Variants in GSK3A observed in about 807,000 individuals in gnomAD.
The protein encoded by GSK3A is glycogen synthase kinase 3 alpha.
A neutral mutation model predicts 56.6 loss-of-function variants in GSK3A; 14 were observed. The observed-to-expected ratio is 0.25, with a 90% CI of 0.16 to 0.39. The LOEUF (loss-of-function observed/expected upper bound fraction) is 0.39, where lower values mean the gene tolerates loss of function less well. Ranked by LOEUF, GSK3A falls within the 10% of genes least tolerant of loss-of-function variation. The probability of loss-of-function intolerance (pLI) is 1.00; values close to 1 mark genes in which losing one functional copy is unlikely to be tolerated. For missense variants in GSK3A, 450 were observed against 656.0 expected (o/e 0.69, Z 3.43); for synonymous variants, 301 against 285.0 (o/e 1.06, Z -0.56).
chr19:42,233,024 T>C (rs1366039494), intron 8 of GSK3A, 86 bp downstream of exon 8: 14 of 832,856 alleles, frequency 1.7e-5, no homozygotes, highest in Non-Finnish European at 2.7e-5. Flanking sequence ...CAAGCCGTGA[T>C]TCTGAGGCTA....
In GSK3A at chr19:42,234,585, G is replaced by C. The variant is rs1157501093; in HGVS notation, c.760C>G (p.Pro254Ala). ...CAGAGCTTGAGGACAGCAGTGTCAG[G>C]GTCCACCAGCAGGTTCTGGGGCTTG... ...DIKPQNLLVD[P>A]DTAVLKLCDF... The change falls in exon 5 of 11, where the codon CCT becomes GCT. Residue 254 changes from proline to alanine, a missense_variant. This residue lies in a region of GSK3A where 144 missense variants were observed against 308.0 expected (regional missense o/e 0.47). Transcript: ENST00000222330. The surrounding 1 kb of genome is among the most constrained non-coding windows in gnomAD (Gnocchi z 5.7). 1 of 1,614,026 alleles carries C rather than the reference G, an allele frequency of 6.2e-7. No homozygotes were observed. Among genetic ancestry groups the C allele is most frequent in the Non-Finnish European group, 8.5e-7 (1 of 1,179,956 alleles).
At chr19:42,239,717 T>C (rs1287361566) in intron 2 of GSK3A, among the ~76,000 whole-genome samples, 2 of 152,210 alleles carry the variant, frequency 1.3e-5, no homozygotes, top group African/African-American at 4.8e-5. Context: ...CAGAGAATCT[T>C]TATGTAAATT....
rs1224392952 is a variant in GSK3A, at chr19:42,237,008, C to G, written c.472-67G>C. The G allele has an allele frequency of 3.7e-6, 4 of 1,073,650 alleles. No individual in the cohort carries two copies. The East Asian group carries it at 9.4e-5, about 25-fold the overall frequency. 66.5% of individuals were successfully genotyped at this position (1,073,650 alleles called of 1,614,324 possible). A position where few individuals can be genotyped will look rare whatever the true frequency, so the allele number is the denominator to read the frequency against. ...TCGGCTGCTCCTCCCTACTCACACTCACTCCCAACAACAGCCAGGCAGCTA... is the reference window on the plus strand; with the variant it reads ...TCGGCTGCTCCTCCCTACTCACACTGACTCCCAACAACAGCCAGGCAGCTA... On this transcript the variant is annotated intron_variant, in intron 2 of 10. Coordinates refer to ENST00000222330, the MANE Select transcript of GSK3A (RefSeq NM_019884.3).
chr19:42,234,991 G>C lies in GSK3A; in HGVS notation c.667-313C>G, dbSNP rs1349498064. Among the ~76,000 whole-genome samples, 1 of 152,158 alleles carries C rather than the reference G, an allele frequency of 6.6e-6. No individual in the cohort carries two copies. The highest frequency in any genetic ancestry group is 1.5e-5 in the Non-Finnish European group (1 of 68,034). ...AAAATACAAAAATTAGCCGGGCGTG[G>C]TGGTGCACACCTGTAATCCCAGCTA... On this transcript the variant is annotated intron_variant, in intron 4 of 10. Transcript: ENST00000222330. This position sits in a 1 kb window ranked among gnomAD's most constrained non-coding sequence, Gnocchi z 5.7.
chr19:42,234,786 C>A lies in GSK3A; in HGVS notation c.667-108G>T, dbSNP rs1002628473. On this transcript the variant is annotated intron_variant, in intron 4 of 10. Coordinates refer to ENST00000222330, the MANE Select transcript of GSK3A (RefSeq NM_019884.3). The surrounding 1 kb of genome is among the most constrained non-coding windows in gnomAD (Gnocchi z 5.7). ...CCTTCCAGGCCCACTCTCCCTGCTG[C>A]CCCCACAGCTTTGGGGAAACCCATT... 2 of 1,171,320 alleles carry A rather than the reference C, an allele frequency of 1.7e-6. No homozygotes were observed. Among genetic ancestry groups the A allele is most frequent in the African/African-American group, 1.5e-5 (1 of 64,598 alleles). The allele number at this position is 1,171,320 out of a possible 1,614,324, so 72.6% of individuals were successfully genotyped here. A position where few individuals can be genotyped will look rare whatever the true frequency, so the allele number is the denominator to read the frequency against.
chr19:42,233,061 G>T lies in GSK3A; in HGVS notation c.1098+49C>A, dbSNP rs767006233. 3 of 1,237,830 alleles carry T rather than the reference G, an allele frequency of 2.4e-6. No individual in the cohort carries two copies. The East Asian group carries it at 7.1e-5, about 29-fold the overall frequency. 76.7% of individuals were successfully genotyped at this position (1,237,830 alleles called of 1,614,324 possible). On this transcript the variant is annotated intron_variant, in intron 8 of 10. Coordinates refer to ENST00000222330, the MANE Select transcript of GSK3A (RefSeq NM_019884.3). ...GTCCACAGAACAGTTGACCTCCAAG[G>T]GGGACCAGCTCTCAGCCATACTGCC...
intron 9 of GSK3A, 129 bp from the exon 10 acceptor site, chr19:42,232,278 G>GA: frequency 1.3e-6 from 1 of 741,774 alleles, no homozygotes. Flanking sequence ...CTCTCTCAAT[G>GA]AAAAACCAGA....
At position 42,230,737 on chromosome 19, in the gene GSK3A, C is replaced by A; in HGVS notation, c.*57G>T. On this transcript the variant is annotated 3_prime_UTR_variant, in exon 11 of 11. Transcript: ENST00000222330. ...AGGAGCTTGATGGGCTATGGCCCCC[C>A]TTCCCAGCCCCTCTTGGGGCTCCCA... The A allele has an allele frequency of 7.4e-7, 1 of 1,347,684 alleles. No individual in the cohort carries two copies. The allele number at this position is 1,347,684 out of a possible 1,614,324, so 83.5% of individuals were successfully genotyped here.
At chr19:42,239,277 T>A (rs2036277171) in intron 2 of GSK3A, among the ~76,000 whole-genome samples, 1 of 152,200 alleles carries the variant, frequency 6.6e-6, no homozygotes, top group East Asian at 1.9e-4. Flanking sequence ...CCAAGGGCCC[T>A]CCCTGCCAAG....
At chr19:42,242,036 T>C in intron 1 of GSK3A, 147 bp downstream of exon 1, 1 of 608,948 alleles carries the variant, frequency 1.6e-6, no homozygotes, top group East Asian at 3.5e-5. Flanking sequence ...AGACTCCTTT[T>C]CCTGGGAGGA....
chr19:42,239,892 C>T (rs921808763), intron 2 of GSK3A, 63 bp downstream of exon 2: 3 of 1,377,278 alleles, frequency 2.2e-6, no homozygotes, highest in Admixed American at 3.5e-5. Flanking sequence ...CTCTCTGGCT[C>T]AGGTTCTCCC....
chr19:42,240,213 G>A (rs751584782), intron 1 of GSK3A, 71 bp from the exon 2 acceptor site: 2 of 1,403,492 alleles, frequency 1.4e-6, no homozygotes, highest in Non-Finnish European at 2.0e-6. Flanking sequence ...TGGGGCTGTG[G>A]GAGGAAGGGA....
chr19:42,234,471 G>A lies in GSK3A; in HGVS notation c.798-12C>T, dbSNP rs1180635903. 1.2e-6 allele frequency: 2 copies of A among 1,613,992 alleles called. No individual in the cohort carries two copies. The highest frequency in any genetic ancestry group is 1.7e-6 in the Non-Finnish European group (2 of 1,179,834). ...CCAACTGCTTTGCACTGTGGGAAGA[G>A]ATGGGCAGGGGTACACGTGAGGCAA... On this transcript the variant is annotated splice_polypyrimidine_tract_variant and intron_variant, in intron 5 of 10. Coordinates refer to ENST00000222330, the MANE Select transcript of GSK3A (RefSeq NM_019884.3). This position sits in a 1 kb window ranked among gnomAD's most constrained non-coding sequence, Gnocchi z 5.7.
chr19:42,230,788 G>A lies in GSK3A; in HGVS notation c.*6C>T, dbSNP rs199708115. The A allele has an allele frequency of 3.3e-5, 51 of 1,550,476 alleles. No homozygotes were observed. Among genetic ancestry groups the A allele is most frequent in the Middle Eastern group, 1.7e-4 (1 of 5,984 alleles). On this transcript the variant is annotated 3_prime_UTR_variant, in exon 11 of 11. Transcript: ENST00000222330. ...GATGGAAGTGGAAGGGTGCTTGGTG[G>A]GGCCCTCAGGAGGAGTTAGTGAGGG...
chr19:42,238,856 C>T (rs1219876436), intron 2 of GSK3A, among the ~76,000 whole-genome samples: 1 of 151,940 alleles, frequency 6.6e-6, no homozygotes, highest in Admixed American at 6.6e-5. Flanking sequence ...GCAATCCCAG[C>T]TACTCAGGTG....
Position 42,234,235 on chromosome 19 carries a change from A to T in GSK3A, c.904+118T>A. On this transcript the variant is annotated intron_variant, in intron 6 of 10. Coordinates refer to ENST00000222330, the MANE Select transcript of GSK3A (RefSeq NM_019884.3). This position sits in a 1 kb window ranked among gnomAD's most constrained non-coding sequence, Gnocchi z 5.7. ...ACAGCATCAGCCTCCTAAGTTTGTG[A>T]GGACTGGATACAAGAACAGAAGTTA... 1 of 756,732 alleles carries T rather than the reference A, an allele frequency of 1.3e-6. No individual in the cohort carries two copies. Among genetic ancestry groups the T allele is most frequent in the Non-Finnish European group, 2.3e-6 (1 of 427,190 alleles). 46.9% of individuals were successfully genotyped at this position (756,732 alleles called of 1,614,324 possible). A position where few individuals can be genotyped will look rare whatever the true frequency, so the allele number is the denominator to read the frequency against.
intron 3 of GSK3A, 36 bp downstream of exon 3, chr19:42,236,822 C>T: frequency 1.3e-6 from 2 of 1,549,272 alleles, no homozygotes; most frequent in African/African-American, 1.4e-5. Context: ...AGGAAAATGG[C>T]TGGAGCAACC....
chr19:42,233,417 C>T (rs762631764), intron 6 of GSK3A, 34 bp from the exon 7 acceptor site: 21 of 1,364,902 alleles, frequency 1.5e-5, no homozygotes, highest in South Asian at 6.3e-5. Context: ...CAGGGCTAGG[C>T]GAGTAGGGCC....
chr19:42,239,507 C>A (rs1374156836), intron 2 of GSK3A, among the ~76,000 whole-genome samples: 1 of 152,100 alleles, frequency 6.6e-6, no homozygotes, highest in Non-Finnish European at 1.5e-5. Flanking sequence ...TCAGAACCAC[C>A]CGCGCTAGCC....
Sources: allele counts gnomAD v4.1 joint callset (sites outside exome capture counted in the v4.1 genomes callset), GRCh38; gene constraint gnomAD v4.1.1; regional missense constraint gnomAD v4.1.1; non-coding constraint Gnocchi (gnomAD v3.1); transcripts MANE v1.5; gene names NCBI Gene and HGNC (gene_info 2026-07-23, HGNC 2026-07-21).